Variants in UBR4 observed in about 807,000 individuals in gnomAD.
UBR4 encodes the protein E3 ubiquitin-protein ligase UBR4.
Under a neutral mutation model 575.6 loss-of-function variants are expected in UBR4, and 124 were observed. That is an observed-to-expected ratio of 0.22 (90% CI 0.19 to 0.25). The LOEUF (loss-of-function observed/expected upper bound fraction) is 0.25. Ranked by LOEUF, UBR4 falls within the 10% of genes least tolerant of loss-of-function variation. The pLI, the probability that UBR4 is intolerant of heterozygous loss-of-function variation, is 1.00. For missense variants in UBR4, 4,818 were observed against 6,478.8 expected, an observed-to-expected ratio of 0.74 and a Z score of 8.80; for synonymous variants, 2,455 against 2,473.7, an observed-to-expected ratio of 0.99 and a Z score of 0.22.
intron 1 of UBR4, among the ~76,000 whole-genome samples, chr1:19,204,749 G>A (rs971488092): frequency 6.6e-6 from 1 of 152,128 alleles, no homozygotes; most frequent in Admixed American, 6.5e-5. Flanking sequence ...GGCAACTAAG[G>A]ATAAACCTGG....
At chr1:19,106,006 G>A (rs896217289) in intron 83 of UBR4, among the ~76,000 whole-genome samples, 164 bp from the exon 84 acceptor site, 1 of 152,144 alleles carries the variant, frequency 6.6e-6, no homozygotes, top group African/African-American at 2.4e-5. Flanking sequence ...AGACTCTACT[G>A]TTTTAGATGG....
rs145493962 is a variant in UBR4, at chr1:19,081,332, C to T, written c.15233+17G>A. Reference sequence around the variant, plus strand: ...ATGGGAAATAGTGAGCAGCAGCTTCCGGAAGCAGGTACTGACCTGGTGGCT... The same window carrying T: ...ATGGGAAATAGTGAGCAGCAGCTTCTGGAAGCAGGTACTGACCTGGTGGCT... On this transcript the variant is annotated intron_variant, in intron 103 of 105. Coordinates refer to ENST00000375254, the MANE Select transcript of UBR4 (RefSeq NM_020765.3). The T allele has an allele frequency of 2.8e-5, 44 of 1,555,388 alleles. No homozygotes were observed. The highest frequency in any genetic ancestry group is 3.5e-4 in the Middle Eastern group (2 of 5,690).
intron 100 of UBR4, 107 bp downstream of exon 100, chr1:19,086,572 C>G: frequency 2.0e-6 from 3 of 1,482,562 alleles, no homozygotes; most frequent in South Asian, 2.5e-5. Context: ...ACCCTACTCT[C>G]CAGAGACTAA....
rs371815996 is a variant in UBR4 at position 19,173,263 on chromosome 1, G to C, written c.3209C>G (p.Ser1070Trp). ...AGTGGTGGATGCCAGTTCTAGAAGC[G>C]AGCTAGCATGCTCAGCCTTCATTCC... ...KQGMKAEHAS[S>W]LLELASTTKC... The change falls in exon 24 of 106, where the codon TCG becomes TGG. Residue 1070 changes from serine (S) to tryptophan (W), a missense_variant. Ser to Trp is a radical substitution (Grantham distance 177). Coordinates refer to ENST00000375254, the MANE Select transcript of UBR4 (RefSeq NM_020765.3). 1 of 1,614,148 alleles carries C rather than the reference G, an allele frequency of 6.2e-7. No individual in the cohort carries two copies. Among genetic ancestry groups the C allele is most frequent in the Non-Finnish European group, 8.5e-7 (1 of 1,180,038 alleles).
At chr1:19,206,770 T>A (rs2093033487) in intron 1 of UBR4, among the ~76,000 whole-genome samples, 1 of 152,234 alleles carries the variant, frequency 6.6e-6, no homozygotes, top group African/African-American at 2.4e-5. Flanking sequence ...AAACATCCAA[T>A]GACTTGAGAG....
Position 19,121,231 on chromosome 1 carries a change from T to G in UBR4, c.10099A>C (p.Thr3367Pro). 1 of 1,614,218 alleles carries G rather than the reference T, an allele frequency of 6.2e-7. No individual in the cohort carries two copies. The highest frequency in any genetic ancestry group is 8.5e-7 in the Non-Finnish European group (1 of 1,180,040). Residue 3367 changes from threonine to proline, a missense_variant, in exon 68 of 106, where the codon ACT becomes CCT. Coordinates refer to ENST00000375254, the MANE Select transcript of UBR4 (RefSeq NM_020765.3). ...GQATTQSKSS[T>P]KKSKKEEKEK... Reference sequence around the variant, plus strand: ...TTTTCTTCTTTCTTGCTCTTTTTAGTGGAAGACTTGGACTGTGTTGTGGCT... The same window carrying G: ...TTTTCTTCTTTCTTGCTCTTTTTAGGGGAAGACTTGGACTGTGTTGTGGCT...
At position 19,192,371 on chromosome 1, in the gene UBR4, T is replaced by C; in HGVS notation, c.1211A>G (p.Gln404Arg). Reference sequence around the variant, plus strand: ...CCAAGCACCCAGCAATTGGAAATTCTGATAGTGCTGTTGTGAAAGGCACAA... The same window carrying C: ...CCAAGCACCCAGCAATTGGAAATTCCGATAGTGCTGTTGTGAAAGGCACAA... The part of the protein sequence containing the change: ...SSRRAGGEHY[Q>R]NFQLLGAWCL... Residue 404 changes from glutamine to arginine, a missense_variant, in exon 11 of 106, where the codon CAG (glutamine) becomes CGG (arginine). Gln to Arg is a conservative substitution (Grantham distance 43). Transcript: ENST00000375254. The C allele has an allele frequency of 3.1e-6, 5 of 1,614,184 alleles. No homozygotes were observed. Among genetic ancestry groups the C allele is most frequent in the Non-Finnish European group, 4.2e-6 (5 of 1,180,032 alleles).
chr1:19,141,649 C>T lies in UBR4; in HGVS notation c.8308G>A (p.Val2770Met). Reference protein sequence around the residue: ...SEVDHGDFEMVSESMVLETAE... With the variant: ...SEVDHGDFEMMSESMVLETAE... ...TTCTCCTGCTGCCAGAGACTCACCA[C>T]CATCTCAAAATCTCCATGGTCCACC... Residue 2770 changes from valine (V) to methionine (M), a missense_variant and splice_region_variant, in exon 56 of 106, where the codon GTG (valine) becomes ATG (methionine). By Grantham distance (21) the Val-to-Met change is conservative. This residue lies in a region of UBR4 where 129 missense variants were observed against 198.4 expected (regional missense o/e 0.65). Coordinates refer to ENST00000375254, the MANE Select transcript of UBR4 (RefSeq NM_020765.3). 1.2e-6 allele frequency: 2 copies of T among 1,614,058 alleles called. No individual in the cohort carries two copies. Among genetic ancestry groups the T allele is most frequent in the Non-Finnish European group, 1.7e-6 (2 of 1,179,934 alleles).
At chr1:19,147,471 A>T (rs2085028767) in intron 51 of UBR4, among the ~76,000 whole-genome samples, 1 of 152,030 alleles carries the variant, frequency 6.6e-6, no homozygotes, top group Non-Finnish European at 1.5e-5. Flanking sequence ...AGGGGTCTGA[A>T]CTCTCATCTT....
chr1:19,192,064 G>T, intron 11 of UBR4, 124 bp downstream of exon 11: 2 of 964,102 alleles, frequency 2.1e-6, no homozygotes, highest in Non-Finnish European at 3.1e-6. Context: ...TATCTTAGTT[G>T]CTAAATTCAA....
At position 19,145,011 on chromosome 1, in the gene UBR4, T is replaced by C. The variant is rs147681467; in HGVS notation, c.7946-104A>G. On this transcript the variant is annotated intron_variant, in intron 53 of 105. Coordinates refer to ENST00000375254, the MANE Select transcript of UBR4 (RefSeq NM_020765.3). ...CCTTTTATCTCCATGTAAAAGGTCA[T>C]GCAAACAAAATGACAAACACTCACA... is the stretch of plus-strand genomic sequence containing the variant. The C allele has an allele frequency of 2.0e-3, 2,794 of 1,377,352 alleles. 21 individuals carry two copies. Among genetic ancestry groups the C allele is most frequent in the Non-Finnish European group, 1.1e-3 (1,127 of 996,254 alleles). 85.3% of individuals were successfully genotyped at this position (1,377,352 alleles called of 1,614,324 possible). A position where few individuals can be genotyped will look rare whatever the true frequency, so the allele number is the denominator to read the frequency against.
intron 104 of UBR4, 177 bp downstream of exon 104, chr1:19,077,799 G>A (rs1286553012): frequency 1.3e-6 from 2 of 1,534,228 alleles, no homozygotes; most frequent in South Asian, 1.2e-5. Flanking sequence ...CAGACACAAG[G>A]CTCCAGGCTG....
In UBR4 at chr1:19,173,054, G is replaced by C. The variant is rs1277309606; in HGVS notation, c.3331C>G (p.Gln1111Glu). The C allele has an allele frequency of 2.5e-6, 4 of 1,614,074 alleles. No individual in the cohort carries two copies. In the African/African-American group the frequency reaches 5.3e-5, roughly 22 times the overall value. ...FCSIDCTTIL[Q>E]LHEIPSLQSI... ...TGCAGACTGGGAATTTCATGCAGCT[G>C]CAAGATGGTGGTACAGTCGATACTA... is the stretch of plus-strand genomic sequence containing the variant. Residue 1111 changes from glutamine (Q) to glutamate (E), a missense_variant, in exon 25 of 106, where the codon CAG (glutamine) becomes GAG (glutamate). Around this residue, in one of 29 missense-constraint regions of UBR4, gnomAD observed 1,172 missense variants for 1,259.7 expected, o/e 0.93. Coordinates refer to ENST00000375254, the MANE Select transcript of UBR4 (RefSeq NM_020765.3).
intron 102 of UBR4, chr1:19,082,080 T>A: frequency 2.5e-6 from 1 of 394,392 alleles, no homozygotes; most frequent in Non-Finnish European, 4.5e-6. Flanking sequence ...TAAATGTGCA[T>A]GTGGTTCCTT....
intron 34 of UBR4, among the ~76,000 whole-genome samples, 157 bp downstream of exon 34, chr1:19,163,607 T>C (rs1023635277): frequency 5.3e-5 from 8 of 152,210 alleles, no homozygotes; most frequent in Admixed American, 6.5e-5. Flanking sequence ...GGCACACAGT[T>C]AGCAACTACA....
chr1:19,138,187 G>A lies in UBR4; in HGVS notation c.8732-6C>T. The A allele has an allele frequency of 6.7e-7, 1 of 1,490,762 alleles. No homozygotes were observed. The highest frequency in any genetic ancestry group is 9.0e-7 in the Non-Finnish European group (1 of 1,109,676). 92.3% of individuals were successfully genotyped at this position (1,490,762 alleles called of 1,614,324 possible). Reference sequence around the variant, plus strand: ...AGCACTGCTCCGGCCAGATACTAGAGGGAAATGGTTTAAAAAGCACAAATC... The same window carrying A: ...AGCACTGCTCCGGCCAGATACTAGAAGGAAATGGTTTAAAAAGCACAAATC... On this transcript the variant is annotated splice_region_variant and splice_polypyrimidine_tract_variant and intron_variant, in intron 59 of 105. Transcript: ENST00000375254.
chr1:19,192,429 C>T (rs2092156436), intron 10 of UBR4, 51 bp from the exon 11 acceptor site: 1 of 1,614,018 alleles, frequency 6.2e-7, no homozygotes, highest in Non-Finnish European at 8.5e-7. Context: ...ATATTTACAT[C>T]TCAGAGAGGA....
At chr1:19,076,403 C>T (rs2075945920) in intron 105 of UBR4, among the ~76,000 whole-genome samples, 1 of 152,202 alleles carries the variant, frequency 6.6e-6, no homozygotes, top group Admixed American at 6.5e-5. Context: ...GTTCCCTTGG[C>T]CACTTATTTG....
Position 19,118,852 on chromosome 1 carries a change from G to A in UBR4, c.10541+20C>T, listed in dbSNP as rs375070788. 15 of 1,613,528 alleles carry A rather than the reference G, an allele frequency of 9.3e-6. No homozygotes were observed. The highest frequency in any genetic ancestry group is 6.7e-5 in the East Asian group (3 of 44,872). On this transcript the variant is annotated intron_variant, in intron 71 of 105. Transcript: ENST00000375254. The stretch of plus-strand genomic sequence containing the variant: ...ATGCTGACTGAGCTTCCCACAGGTA[G>A]AAAGCAAAACAAAGCTCACTTATAA...
Sources: gnomAD v4.1 joint callset for allele counts (sites outside exome capture counted in the v4.1 genomes callset) on GRCh38, gnomAD v4.1.1 for gene constraint, gnomAD v4.1.1 regional missense constraint, MANE v1.5 for transcripts, NCBI Gene and HGNC (gene_info 2026-07-23, HGNC 2026-07-21) for gene names.